NTRK3: variants seen among roughly 807,000 people sequenced by gnomAD.
NTRK3 encodes the protein NT-3 growth factor receptor.
A neutral mutation model predicts 91.7 loss-of-function variants in NTRK3; 24 were observed. That is an observed-to-expected ratio of 0.26 (90% CI 0.19 to 0.37). NTRK3 has a LOEUF of 0.37. Among genes scored for constraint, NTRK3 ranks in the 10% least tolerant of loss-of-function variants. The pLI is 1.00. For missense variants in NTRK3, 880 were observed against 1,068.9 expected, an observed-to-expected ratio of 0.82 and a Z score of 2.46; for synonymous variants, 483 against 404.0, an observed-to-expected ratio of 1.20 and a Z score of -2.34.
intron 13 of NTRK3, among the ~76,000 whole-genome samples, chr15:88,097,000 A>G (rs974889377): frequency 2.0e-5 from 3 of 152,214 alleles, no homozygotes; most frequent in Non-Finnish European, 2.9e-5. Context: ...ACAAAAGAAG[A>G]GAGTCTGGTA....
intron 14 of NTRK3, among the ~76,000 whole-genome samples, chr15:87,975,690 C>A (rs1050984112): frequency 1.3e-5 from 2 of 152,142 alleles, no homozygotes; most frequent in South Asian, 4.1e-4. Flanking sequence ...ACATGGAAAA[C>A]GGAGGCCTAG....
intron 14 of NTRK3, among the ~76,000 whole-genome samples, chr15:87,967,232 G>A (rs974448853): frequency 6.6e-6 from 1 of 152,142 alleles, no homozygotes; most frequent in Non-Finnish European, 1.5e-5. Flanking sequence ...GGCAGTTCTT[G>A]CTCCCCGGGG....
chr15:88,033,457 C>T (rs911489462), intron 13 of NTRK3, among the ~76,000 whole-genome samples: 1 of 151,546 alleles, frequency 6.6e-6, no homozygotes, highest in Non-Finnish European at 1.5e-5. Flanking sequence ...ATTACAGGTG[C>T]CTGCCACCAT....
At chr15:88,185,060 T>A (rs1324232244) in intron 3 of NTRK3, among the ~76,000 whole-genome samples, 1 of 152,236 alleles carries the variant, frequency 6.6e-6, no homozygotes, top group African/African-American at 2.4e-5. Flanking sequence ...CATGTCTTCA[T>A]TTGTAAAAGA....
chr15:88,084,554 TG>T (rs1314387140), intron 13 of NTRK3, among the ~76,000 whole-genome samples: 3 of 152,196 alleles, frequency 2.0e-5, no homozygotes, highest in African/African-American at 7.2e-5. Context: ...CTGTGGACTC[TG>T]GCAAGGTCTC....
intron 6 of NTRK3, among the ~76,000 whole-genome samples, chr15:88,144,550 G>C (rs2151290859): frequency 6.6e-6 from 1 of 152,256 alleles, no homozygotes; most frequent in East Asian, 1.9e-4. Context: ...CTTGAGTCAG[G>C]TAAGAGAAAC....
intron 3 of NTRK3, among the ~76,000 whole-genome samples, chr15:88,232,121 C>G (rs1191889955): frequency 6.6e-6 from 1 of 152,126 alleles, no homozygotes; most frequent in African/African-American, 2.4e-5. Flanking sequence ...TTGCACTTCA[C>G]CCACCCCACT....
At chr15:88,041,300 G>A (rs1048863048) in intron 13 of NTRK3, among the ~76,000 whole-genome samples, 2 of 152,116 alleles carry the variant, frequency 1.3e-5, no homozygotes, top group Non-Finnish European at 2.9e-5. Flanking sequence ...CTTTACACTT[G>A]TACTTCCTTC....
chr15:88,018,379 T>C (rs763448848), intron 14 of NTRK3, among the ~76,000 whole-genome samples: 4 of 152,104 alleles, frequency 2.6e-5, no homozygotes, highest in African/African-American at 9.7e-5. Context: ...TGTGGGTGAA[T>C]TGGAAGTCAG....
At chr15:88,101,922 C>T (rs758193355) in intron 13 of NTRK3, among the ~76,000 whole-genome samples, 5 of 151,852 alleles carry the variant, frequency 3.3e-5, no homozygotes, top group South Asian at 2.1e-4. Flanking sequence ...TGCTAAATGA[C>T]GAGTTAATGG....
intron 6 of NTRK3, among the ~76,000 whole-genome samples, chr15:88,146,663 C>T (rs1269202427): frequency 6.6e-6 from 1 of 152,120 alleles, no homozygotes; most frequent in Non-Finnish European, 1.5e-5. Flanking sequence ...GATAGGGGTG[C>T]CCTGATCAGC....
At chr15:88,088,703 A>G (rs1245544465) in intron 13 of NTRK3, among the ~76,000 whole-genome samples, 1 of 152,170 alleles carries the variant, frequency 6.6e-6, no homozygotes, top group Non-Finnish European at 1.5e-5. Flanking sequence ...CCAAATGTGG[A>G]CTGTGAAGTG....
chr15:88,078,554 G>A (rs758990915), intron 13 of NTRK3, among the ~76,000 whole-genome samples: 5 of 152,216 alleles, frequency 3.3e-5, no homozygotes, highest in Admixed American at 6.5e-5. Flanking sequence ...GGAGGCTGAC[G>A]CAGGAGAATC....
intron 10 of NTRK3, among the ~76,000 whole-genome samples, chr15:88,132,686 G>A (rs985530969): frequency 6.6e-6 from 1 of 152,184 alleles, no homozygotes; most frequent in Non-Finnish European, 1.5e-5. Flanking sequence ...TAGCTGGGGT[G>A]AGTTCGGTTT....
intron 14 of NTRK3, among the ~76,000 whole-genome samples, chr15:87,993,733 G>A (rs1460315563): frequency 1.3e-5 from 2 of 152,142 alleles, no homozygotes; most frequent in African/African-American, 4.8e-5. Context: ...ATCCCTGCTT[G>A]CACTGTCCTC....
At position 88,136,612 on chromosome 15, in the gene NTRK3, G is replaced by A. The variant is rs757034380; in HGVS notation, c.623-3C>T. 3 of 1,611,808 alleles carry A rather than the reference G, an allele frequency of 1.9e-6. No homozygotes were observed. The highest frequency in any genetic ancestry group is 1.3e-5 in the African/African-American group (1 of 74,888). The stretch of plus-strand genomic sequence containing the variant: ...GCTCACGCTGATCTCAGGAAGGTCT[G>A]GGAGCCAGACAAAGTGGGTGAAAAG... On this transcript the variant is annotated splice_polypyrimidine_tract_variant and splice_region_variant and intron_variant, in intron 7 of 18. Coordinates refer to ENST00000394480, the Ensembl canonical transcript of NTRK3.
rs1198965102 is a variant in NTRK3, at chr15:87,952,318, CG to C, written c.1586-11566del. 2.0e-5 allele frequency among the ~76,000 whole-genome samples: 3 copies of C among 152,312 alleles called. No individual in the cohort carries two copies. In the East Asian group the frequency reaches 5.8e-4, roughly 29 times the overall value. ...GACTCCTCTTTCCTCTTCTTCCTAA[CG>C]TGCTTAAAATCCAGTCTAGTCGTGA... is the stretch of plus-strand genomic sequence containing the variant. On this transcript the variant is annotated intron_variant, in intron 14 of 18. Transcript: ENST00000394480.
At chr15:88,198,970 T>C (rs1012100392) in intron 3 of NTRK3, among the ~76,000 whole-genome samples, 9 of 152,156 alleles carry the variant, frequency 5.9e-5, no homozygotes, top group African/African-American at 2.2e-4. Flanking sequence ...GTCACAAATT[T>C]CTCTGCTGTG....
intron 14 of NTRK3, among the ~76,000 whole-genome samples, chr15:87,980,141 G>T (rs2074093944): frequency 6.6e-6 from 1 of 152,160 alleles, no homozygotes; most frequent in Non-Finnish European, 1.5e-5. Flanking sequence ...AGTAACACTG[G>T]TGGCCCCGAG....
Sources: gnomAD v4.1 joint callset for allele counts (sites outside exome capture counted in the v4.1 genomes callset) on GRCh38, gnomAD v4.1.1 for gene constraint, MANE v1.5 for transcripts, NCBI Gene and HGNC (gene_info 2026-07-23, HGNC 2026-07-21) for gene names.